KCND3: variants seen among roughly 807,000 people sequenced by gnomAD.
KCND3 encodes A-type voltage-gated potassium channel KCND3.
Under a neutral mutation model 51.1 loss-of-function variants are expected in KCND3, and 9 were observed. The ratio of observed to expected loss-of-function variants is 0.18; its 90% CI spans 0.11 to 0.31. The LOEUF (loss-of-function observed/expected upper bound fraction) is 0.31. KCND3 is among the 10% of genes least tolerant of loss of function. The probability of loss-of-function intolerance (pLI) is 1.00; values close to 1 mark genes in which losing one functional copy is unlikely to be tolerated. For missense variants in KCND3, 526 were observed against 903.8 expected (o/e 0.58, Z 5.36); for synonymous variants, 349 against 368.0 (o/e 0.95, Z 0.59).
At chr1:111,915,202 TAAAC>T (rs1356806549) in intron 2 of KCND3, among the ~76,000 whole-genome samples, 1 of 151,992 alleles carries the variant, frequency 6.6e-6, no homozygotes, top group African/African-American at 2.4e-5. Context: ...GAGGAAAACA[TAAAC>T]AAATTACATA....
At chr1:111,880,111 T>C (rs902831039) in intron 2 of KCND3, among the ~76,000 whole-genome samples, 2 of 152,240 alleles carry the variant, frequency 1.3e-5, no homozygotes, top group South Asian at 4.1e-4. Context: ...CAGATGTTTT[T>C]AAGTTAGTGG....
intron 2 of KCND3, among the ~76,000 whole-genome samples, chr1:111,839,418 T>C (rs1667224868): frequency 6.6e-6 from 1 of 152,246 alleles, no homozygotes; most frequent in South Asian, 2.1e-4. Context: ...CCCTTCAGCA[T>C]TATCCTAATT....
intron 2 of KCND3, among the ~76,000 whole-genome samples, chr1:111,955,151 G>A (rs559404982): frequency 2.0e-5 from 3 of 152,330 alleles, no homozygotes; most frequent in Admixed American, 6.5e-5. Flanking sequence ...ACAGTGGCCT[G>A]TAATCTCACC....
chr1:111,979,042 T>C (rs1053361005), intron 2 of KCND3, among the ~76,000 whole-genome samples: 3 of 152,338 alleles, frequency 2.0e-5, no homozygotes, highest in Middle Eastern at 3.4e-3. Context: ...AAAGGTTTCC[T>C]TTCTTGCCCA....
At chr1:111,783,896 C>T (rs1212586580) in intron 3 of KCND3, among the ~76,000 whole-genome samples, 1 of 151,964 alleles carries the variant, frequency 6.6e-6, no homozygotes, top group Non-Finnish European at 1.5e-5. Context: ...AAGCCAATAC[C>T]CAAAGGTTAC....
At chr1:111,837,987 G>A (rs747740900) in intron 2 of KCND3, among the ~76,000 whole-genome samples, 6 of 152,112 alleles carry the variant, frequency 3.9e-5, no homozygotes, top group Non-Finnish European at 5.9e-5. Flanking sequence ...ATGTCATACC[G>A]AGGGCACATA....
chr1:111,912,741 TAAAA>T (rs762664556), intron 2 of KCND3, among the ~76,000 whole-genome samples: 2 of 152,140 alleles, frequency 1.3e-5, no homozygotes, highest in South Asian at 4.2e-4. Context: ...GTTTAAACAG[TAAAA>T]AAACCCCAAA....
intron 2 of KCND3, among the ~76,000 whole-genome samples, chr1:111,812,538 C>G (rs1317930414): frequency 1.3e-5 from 2 of 152,340 alleles, no homozygotes; most frequent in African/African-American, 4.8e-5. Context: ...GTGCTTACTG[C>G]ATGCCAAGCA....
chr1:111,919,355 G>T (rs55830810), intron 2 of KCND3, among the ~76,000 whole-genome samples: 9,768 of 151,980 alleles, frequency 0.064, 395 homozygotes, highest in Non-Finnish European at 0.095. Context: ...GCAACTCTAG[G>T]TATGGGGTTC....
chr1:111,835,478 G>C (rs1227451518), intron 2 of KCND3, among the ~76,000 whole-genome samples: 1 of 152,154 alleles, frequency 6.6e-6, no homozygotes, highest in Non-Finnish European at 1.5e-5. Context: ...ATAGGAGGTT[G>C]GCACAAGAAA....
chr1:111,946,152 AC>A (rs1389321339), intron 2 of KCND3, among the ~76,000 whole-genome samples: 1 of 152,234 alleles, frequency 6.6e-6, no homozygotes, highest in Non-Finnish European at 1.5e-5. Context: ...TGTAAGTGCA[AC>A]AAAGTGTTAT....
At chr1:111,905,685 C>T (rs1194680524) in intron 2 of KCND3, among the ~76,000 whole-genome samples, 1 of 152,190 alleles carries the variant, frequency 6.6e-6, no homozygotes, top group African/African-American at 2.4e-5. Context: ...ATAAAACCAT[C>T]AATGCTTCCT....
At chr1:111,829,975 C>T (rs1341475982) in intron 2 of KCND3, among the ~76,000 whole-genome samples, 1 of 152,208 alleles carries the variant, frequency 6.6e-6, no homozygotes, top group African/African-American at 2.4e-5. Context: ...TACTGCCATT[C>T]TGTTCACTAT....
chr1:111,876,816 T>C (rs999303607), intron 2 of KCND3, among the ~76,000 whole-genome samples: 1 of 152,196 alleles, frequency 6.6e-6, no homozygotes, highest in Admixed American at 6.5e-5. Flanking sequence ...GGGCTGGAGC[T>C]TTGGCTCCTG....
chr1:111,888,086 G>C (rs1463748647), intron 2 of KCND3, among the ~76,000 whole-genome samples: 1 of 152,238 alleles, frequency 6.6e-6, no homozygotes, highest in African/African-American at 2.4e-5. Flanking sequence ...GAGGAGCTGG[G>C]AGGGCAGGGA....
At chr1:111,892,903 G>A (rs1669896511) in intron 2 of KCND3, among the ~76,000 whole-genome samples, 1 of 152,214 alleles carries the variant, frequency 6.6e-6, no homozygotes, top group Non-Finnish European at 1.5e-5. Context: ...CCCAAGGGCT[G>A]AGACGACACA....
intron 2 of KCND3, among the ~76,000 whole-genome samples, chr1:111,943,332 A>C (rs999036838): frequency 6.6e-6 from 1 of 152,060 alleles, no homozygotes; most frequent in African/African-American, 2.4e-5. Context: ...CACCATGCCC[A>C]GCCTCACCCA....
chr1:111,798,492 C>G (rs1340556141), intron 2 of KCND3, among the ~76,000 whole-genome samples: 1 of 152,064 alleles, frequency 6.6e-6, no homozygotes, highest in African/African-American at 2.4e-5. Context: ...TAAGAGCAAT[C>G]TGAGGACAGG....
intron 2 of KCND3, among the ~76,000 whole-genome samples, chr1:111,817,273 GA>G (rs1666139903): frequency 1.3e-5 from 2 of 151,966 alleles, no homozygotes; most frequent in African/African-American, 4.8e-5. Context: ...AAATAAATGA[GA>G]AAATAGTCCT....
Sources: gnomAD v4.1 joint callset for allele counts (sites outside exome capture counted in the v4.1 genomes callset) on GRCh38, gnomAD v4.1.1 for gene constraint, MANE v1.5 for transcripts, NCBI Gene and HGNC (gene_info 2026-07-23, HGNC 2026-07-21) for gene names.